Variants in MECOM observed in about 807,000 individuals in gnomAD.
MECOM encodes histone-lysine N-methyltransferase MECOM.
A neutral mutation model predicts 116.3 loss-of-function variants in MECOM; 13 were observed. That is an observed-to-expected ratio of 0.11 (90% CI 0.07 to 0.18). MECOM has a LOEUF of 0.18. MECOM is among the 10% of genes least tolerant of loss of function. The pLI, the probability that MECOM is intolerant of heterozygous loss-of-function variation, is 1.00. For missense variants in MECOM, 1,299 were observed against 1,509.0 expected (o/e 0.86, Z 2.31); for synonymous variants, 528 against 535.2 (o/e 0.99, Z 0.19).
Position 169,485,896 on chromosome 3 carries a change from ATATATAGTATATATGTATG to A in MECOM, c.38-104391_38-104373del, listed in dbSNP as rs1423675022. 2.9e-5 allele frequency among the ~76,000 whole-genome samples: 4 copies of A among 138,986 alleles called. No individual in the cohort carries two copies. The South Asian group carries it at 8.6e-4, about 30-fold the overall frequency. 91.2% of individuals were successfully genotyped at this position (138,986 alleles called of 152,430 possible). On this transcript the variant is annotated intron_variant, in intron 1 of 16. Coordinates refer to ENST00000651503, the MANE Select transcript of MECOM (RefSeq NM_004991.4). ...ATATGTATATATATGTATATATAGTATATATAGTATATATGTATGTATATATAGTATATATAGTATATAT... is the reference window on the plus strand; with the variant it reads ...ATATGTATATATATGTATATATAGTATATATATAGTATATATAGTATATAT...
At chr3:169,482,519 A>G (rs1004269082) in intron 1 of MECOM, among the ~76,000 whole-genome samples, 1 of 151,996 alleles carries the variant, frequency 6.6e-6, no homozygotes, top group East Asian at 1.9e-4. Flanking sequence ...TATATTTAGT[A>G]GAGACGGGGT....
At chr3:169,496,248 GC>G (rs1753798298) in intron 1 of MECOM, among the ~76,000 whole-genome samples, 1 of 152,188 alleles carries the variant, frequency 6.6e-6, no homozygotes, top group African/African-American at 2.4e-5. Flanking sequence ...GCCTCTATAA[GC>G]CTTAAAGATT....
At chr3:169,265,553 T>C (rs1005644708) in intron 2 of MECOM, among the ~76,000 whole-genome samples, 1 of 152,194 alleles carries the variant, frequency 6.6e-6, no homozygotes, top group Admixed American at 6.5e-5. Flanking sequence ...AATAGTGTCA[T>C]CATAAGGTTC....
At chr3:169,648,129 T>G (rs533207961) in intron 1 of MECOM, among the ~76,000 whole-genome samples, 1 of 152,166 alleles carries the variant, frequency 6.6e-6, no homozygotes, top group Non-Finnish European at 1.5e-5. Flanking sequence ...GGTAAATTAC[T>G]CCAGAAGCAG....
At chr3:169,366,094 G>A (rs950450482) in intron 2 of MECOM, among the ~76,000 whole-genome samples, 4 of 151,950 alleles carry the variant, frequency 2.6e-5, no homozygotes, top group Non-Finnish European at 4.4e-5. Flanking sequence ...CAGTGTTACT[G>A]TAGCTAATCT....
chr3:169,299,826 A>C (rs1716365489), intron 2 of MECOM, among the ~76,000 whole-genome samples: 1 of 152,232 alleles, frequency 6.6e-6, no homozygotes, highest in Admixed American at 6.5e-5. Context: ...TGCCCCACAA[A>C]GAAATCAAAT....
At chr3:169,455,743 C>A (rs1232666187) in intron 1 of MECOM, among the ~76,000 whole-genome samples, 2 of 152,186 alleles carry the variant, frequency 1.3e-5, no homozygotes, top group Admixed American at 1.3e-4. Flanking sequence ...CAATGCACAG[C>A]CCCTTCCACC....
chr3:169,614,107 C>T lies in MECOM; in HGVS notation c.37+49229G>A, dbSNP rs79440643. On this transcript the variant is annotated intron_variant, in intron 1 of 16. Transcript: ENST00000651503. ...CTCTCCTCTCTTTTCTTTTCTTTTTCTTTTTTCTTTTTTTTTTCTCTCTCT... is the reference window on the plus strand; with the variant it reads ...CTCTCCTCTCTTTTCTTTTCTTTTTTTTTTTTCTTTTTTTTTTCTCTCTCT... Among the ~76,000 whole-genome samples, 8 of 77,860 alleles carry T rather than the reference C, an allele frequency of 1.0e-4. No homozygotes were observed. The Admixed American group carries it at 1.1e-3, about 10-fold the overall frequency. 51.1% of individuals were successfully genotyped at this position (77,860 alleles called of 152,430 possible).
At chr3:169,405,247 TTC>T (rs921859071) in intron 1 of MECOM, among the ~76,000 whole-genome samples, 4 of 150,950 alleles carry the variant, frequency 2.6e-5, no homozygotes, top group Non-Finnish European at 4.4e-5. Flanking sequence ...CCCTCCCTCC[TTC>T]TCTCTCTCTC....
chr3:169,259,262 T>C (rs1235616058), intron 2 of MECOM, among the ~76,000 whole-genome samples: 4 of 152,332 alleles, frequency 2.6e-5, no homozygotes, highest in African/African-American at 7.2e-5. Flanking sequence ...GCTGCCACTT[T>C]ACAACTGTTC....
At chr3:169,564,959 G>T (rs1763054968) in intron 1 of MECOM, among the ~76,000 whole-genome samples, 2 of 152,152 alleles carry the variant, frequency 1.3e-5, no homozygotes, top group South Asian at 4.2e-4. Flanking sequence ...GAAGAAGGAT[G>T]GTACAGGAGA....
chr3:169,413,130 T>C (rs1428044730), intron 1 of MECOM, among the ~76,000 whole-genome samples: 2 of 152,226 alleles, frequency 1.3e-5, no homozygotes, highest in Admixed American at 6.5e-5. Flanking sequence ...AGGCAGGTGA[T>C]TTCTGCATTT....
At chr3:169,390,410 T>C (rs775556638) in intron 1 of MECOM, among the ~76,000 whole-genome samples, 22 of 152,280 alleles carry the variant, frequency 1.4e-4, no homozygotes, top group South Asian at 6.2e-4. Context: ...AACTGGGCTG[T>C]TATTCTCACA....
chr3:169,263,077 C>CTCTATATA (rs1757751466), intron 2 of MECOM, among the ~76,000 whole-genome samples: 1 of 32,914 alleles, frequency 3.0e-5, no homozygotes, highest in African/African-American at 1.0e-4. Flanking sequence ...TTTCAAGATG[C>CTCTATATA]TATATATATA....
chr3:169,410,410 A>C (rs987905479), intron 1 of MECOM, among the ~76,000 whole-genome samples: 3 of 152,190 alleles, frequency 2.0e-5, no homozygotes, highest in African/African-American at 7.2e-5. Flanking sequence ...CCTCATTGAC[A>C]TGGCCTTTGG....
intron 2 of MECOM, among the ~76,000 whole-genome samples, chr3:169,328,160 T>A (rs991141076): frequency 6.6e-6 from 1 of 152,176 alleles, no homozygotes; most frequent in Admixed American, 6.5e-5. Context: ...TCACCACCCC[T>A]GATGAAGCAA....
intron 3 of MECOM, among the ~76,000 whole-genome samples, chr3:169,139,973 AAC>A (rs1429003395): frequency 2.5e-4 from 38 of 152,210 alleles, no homozygotes; most frequent in African/African-American, 7.9e-4. Flanking sequence ...AAAAAAAAAA[AAC>A]AATATATCAT....
intron 2 of MECOM, among the ~76,000 whole-genome samples, chr3:169,358,837 A>G (rs1312960139): frequency 6.6e-6 from 1 of 151,790 alleles, no homozygotes; most frequent in African/African-American, 2.4e-5. Context: ...AGACAAATCC[A>G]CAGCAACAGA....
chr3:169,451,731 T>C (rs1745635734), intron 1 of MECOM, among the ~76,000 whole-genome samples: 1 of 152,152 alleles, frequency 6.6e-6, no homozygotes, highest in South Asian at 2.1e-4. Context: ...TTTATTTCTA[T>C]GTAAAATACA....
Sources: gnomAD v4.1 joint callset for allele counts (sites outside exome capture counted in the v4.1 genomes callset) on GRCh38, gnomAD v4.1.1 for gene constraint, MANE v1.5 for transcripts, NCBI Gene and HGNC (gene_info 2026-07-23, HGNC 2026-07-21) for gene names.